DCAF13: variants seen among roughly 807,000 people sequenced by gnomAD.
DCAF13 encodes DDB1 and CUL4 associated factor 13.
A neutral mutation model predicts 59.0 loss-of-function variants in DCAF13; 38 were observed. The observed-to-expected ratio is 0.64, with a 90% confidence interval of 0.50 to 0.84. The LOEUF is 0.84. Among genes scored for constraint, DCAF13 ranks in the 40% least tolerant of loss-of-function variants. The pLI is 0.00. For synonymous variants in DCAF13, 173 were observed against 175.0 expected (o/e 0.99, Z 0.09); for missense variants, 469 against 558.4 (o/e 0.84, Z 1.61).
At chr8:103,426,862 G>T (rs944462195) in intron 4 of DCAF13, among the ~76,000 whole-genome samples, 1 of 152,070 alleles carries the variant, frequency 6.6e-6, no homozygotes, top group African/African-American at 2.4e-5. Flanking sequence ...ATGAGGTAGA[G>T]ATAATTTGTA....
intron 6 of DCAF13, among the ~76,000 whole-genome samples, chr8:103,431,788 T>G (rs552448418): frequency 1.3e-5 from 2 of 149,482 alleles, no homozygotes; most frequent in African/African-American, 2.5e-5. Context: ...ACTCATTCTG[T>G]TTTTTTTTTA....
intron 8 of DCAF13, among the ~76,000 whole-genome samples, chr8:103,436,736 G>A (rs115305690): frequency 0.011 from 1,679 of 152,090 alleles, 32 homozygotes; most frequent in African/African-American, 0.038. Flanking sequence ...AGTGAATTAT[G>A]GTTTACAAAG....
At position 103,442,992 on chromosome 8, in the gene DCAF13, G is replaced by A. The variant is rs926163743; in HGVS notation, c.*110G>A. The A allele has an allele frequency of 1.1e-5, 8 of 710,180 alleles. No individual in the cohort carries two copies. The highest frequency in any genetic ancestry group is 1.8e-5 in the Non-Finnish European group (8 of 446,758). 44.0% of individuals were successfully genotyped at this position (710,180 alleles called of 1,614,324 possible). On this transcript the variant is annotated 3_prime_UTR_variant, in exon 11 of 11. Transcript: ENST00000612750. Reference sequence around the variant, plus strand: ...AATTGCAAACATTTTAGTTATATGTGTAGAGCTTTATTGTTACTCCTTTTA... The same window carrying A: ...AATTGCAAACATTTTAGTTATATGTATAGAGCTTTATTGTTACTCCTTTTA...
intron 10 of DCAF13, 157 bp downstream of exon 10, chr8:103,441,775 T>C (rs1817013877): frequency 4.5e-6 from 3 of 673,108 alleles, no homozygotes; most frequent in Non-Finnish European, 7.0e-6. Context: ...AGGCCTTTTC[T>C]TTTTTCTTTT....
intron 1 of DCAF13, among the ~76,000 whole-genome samples, chr8:103,419,892 C>T (rs551883533): frequency 1.3e-5 from 2 of 151,924 alleles, no homozygotes; most frequent in East Asian, 3.9e-4. Context: ...GCCTGTAATC[C>T]CAGCTACTCG....
At chr8:103,441,247 T>C in intron 9 of DCAF13, 1 of 464,844 alleles carries the variant, frequency 2.2e-6, no homozygotes. Context: ...GGCATCTATC[T>C]ACATGGCGAG....
At chr8:103,424,567 T>C (rs1395323759) in intron 3 of DCAF13, among the ~76,000 whole-genome samples, 1 of 152,242 alleles carries the variant, frequency 6.6e-6, no homozygotes, top group Non-Finnish European at 1.5e-5. Context: ...GTTCGGCTAC[T>C]CATTTCTATA....
intron 1 of DCAF13, among the ~76,000 whole-genome samples, chr8:103,418,864 ATATTTTTTTTTTTTTTT>A (rs1816679274): frequency 1.1e-4 from 3 of 27,950 alleles, no homozygotes; most frequent in Non-Finnish European, 1.1e-4. Flanking sequence ...ATATATATAT[ATATTTTTTTTTTTTTTT>A]TTTTTTTTTT....
intron 7 of DCAF13, among the ~76,000 whole-genome samples, chr8:103,434,128 A>G (rs777313940): frequency 1.1e-4 from 17 of 152,004 alleles, no homozygotes; most frequent in Non-Finnish European, 2.4e-4. Flanking sequence ...TCCCTTTTCT[A>G]TATTTGTAAG....
intron 1 of DCAF13, among the ~76,000 whole-genome samples, chr8:103,416,631 C>T (rs1030870061): frequency 1.3e-5 from 2 of 152,224 alleles, no homozygotes; most frequent in African/African-American, 4.8e-5. Context: ...CAGCACCCGT[C>T]TTCTGTGATT....
intron 3 of DCAF13, among the ~76,000 whole-genome samples, chr8:103,425,619 G>A (rs1356640015): frequency 6.6e-6 from 1 of 152,052 alleles, no homozygotes; most frequent in Admixed American, 6.5e-5. Flanking sequence ...TTATAACAAT[G>A]CCTTCTCTCC....
intron 9 of DCAF13, 26 bp downstream of exon 9, chr8:103,440,297 G>T: frequency 6.6e-7 from 1 of 1,522,080 alleles, no homozygotes; most frequent in Non-Finnish European, 8.8e-7. Flanking sequence ...TTCTTTCATT[G>T]TCATAAAGCT....
In DCAF13 at chr8:103,432,757, T is replaced by C. The variant is rs199710346; in HGVS notation, c.785+16T>C. 7 of 1,505,868 alleles carry C rather than the reference T, an allele frequency of 4.6e-6. No individual in the cohort carries two copies. In the African/African-American group the frequency reaches 5.5e-5, roughly 12 times the overall value. The allele number at this position is 1,505,868 out of a possible 1,614,324, so 93.3% of individuals were successfully genotyped here. On this transcript the variant is annotated intron_variant, in intron 7 of 10. Coordinates refer to ENST00000612750, the MANE Select transcript of DCAF13 (RefSeq NM_015420.7). ...AAGATTATAAGTAAGTTTCCCTCTT[T>C]TAAAAACTTGTGTATTTCTATCATG...
intron 8 of DCAF13, among the ~76,000 whole-genome samples, chr8:103,436,585 TTA>T (rs1388796524): frequency 1.3e-5 from 2 of 152,212 alleles, no homozygotes; most frequent in Non-Finnish European, 2.9e-5. Context: ...TATACATCTA[TTA>T]TATCTTATTT....
rs143211923 is a variant in DCAF13, at chr8:103,434,734, A to G, written c.786-892A>G. On this transcript the variant is annotated intron_variant, in intron 7 of 10. Coordinates refer to ENST00000612750, the MANE Select transcript of DCAF13 (RefSeq NM_015420.7). ...CAATATTGCTGTATTACTTTTGTCC[A>G]TTGTTCATGTTGGTTCATTTGAAGC... Among the ~76,000 whole-genome samples the G allele has an allele frequency of 8.0e-3, 1,214 of 152,102 alleles. 14 individuals are homozygous for G. Among genetic ancestry groups the G allele is most frequent in the Admixed American group, 0.014 (221 of 15,274 alleles).
intron 7 of DCAF13, among the ~76,000 whole-genome samples, chr8:103,435,372 T>G (rs1816918992): frequency 6.6e-6 from 1 of 152,152 alleles, no homozygotes; most frequent in Admixed American, 6.6e-5. Flanking sequence ...CTACTTTTTT[T>G]GAAATTTCCA....
In DCAF13 at chr8:103,420,466, A is replaced by C. The variant is rs1435392863; in HGVS notation, c.270+3A>C. ...TTTCTGGGGCGTGTGATGGAGAGGC[A>C]AGTGTCAATCTAGATGATATTTTCA... On this transcript the variant is annotated splice_donor_region_variant and intron_variant, in intron 2 of 10. Coordinates refer to ENST00000612750, the MANE Select transcript of DCAF13 (RefSeq NM_015420.7). 1.9e-6 allele frequency: 3 copies of C among 1,611,984 alleles called. No individual in the cohort carries two copies. In the African/African-American group the frequency reaches 4.0e-5, roughly 22 times the overall value.
At chr8:103,419,580 T>C (rs1477824251) in intron 1 of DCAF13, among the ~76,000 whole-genome samples, 3 of 152,238 alleles carry the variant, frequency 2.0e-5, no homozygotes, top group Non-Finnish European at 2.9e-5. Context: ...TACAGGAAGC[T>C]TAGAGTTCTG....
intron 6 of DCAF13, 38 bp downstream of exon 6, chr8:103,430,727 CATT>C (rs1456595298): frequency 2.1e-6 from 3 of 1,442,114 alleles, no homozygotes; most frequent in Non-Finnish European, 1.9e-6. Flanking sequence ...ATACAGTTGG[CATT>C]ATATATTTCT....
Sources: allele counts gnomAD v4.1 joint callset (sites outside exome capture counted in the v4.1 genomes callset), GRCh38; gene constraint gnomAD v4.1.1; transcripts MANE v1.5; gene names NCBI Gene and HGNC (gene_info 2026-07-23, HGNC 2026-07-21).